Variants in RGS7 observed in about 807,000 individuals in gnomAD.
RGS7 encodes regulator of G-protein signaling 7.
Under a neutral mutation model 81.1 loss-of-function variants are expected in RGS7, and 27 were observed. That is an observed-to-expected ratio of 0.33 (90% CI 0.25 to 0.46). The LOEUF (loss-of-function observed/expected upper bound fraction) is 0.46, where lower values mean the gene tolerates loss of function less well. Among genes scored for constraint, RGS7 ranks in the 20% least tolerant of loss-of-function variants. RGS7 has a pLI of 1.00. For missense variants in RGS7, 396 were observed against 607.4 expected, an observed-to-expected ratio of 0.65 and a Z score of 3.66; for synonymous variants, 208 against 207.7, an observed-to-expected ratio of 1.00 and a Z score of -0.01.
chr1:241,044,223 G>A (rs1338165537), intron 3 of RGS7, among the ~76,000 whole-genome samples: 1 of 147,250 alleles, frequency 6.8e-6, no homozygotes, highest in Non-Finnish European at 1.5e-5. Flanking sequence ...AGCGATTCTT[G>A]TGCCTCAGCC....
intron 2 of RGS7, among the ~76,000 whole-genome samples, chr1:241,150,304 G>T (rs1012178086): frequency 6.6e-6 from 1 of 152,110 alleles, no homozygotes; most frequent in African/African-American, 2.4e-5. Context: ...ATGTTAATTT[G>T]CAGGGACATT....
intron 4 of RGS7, among the ~76,000 whole-genome samples, chr1:240,963,262 C>T (rs893088673): frequency 1.3e-5 from 2 of 152,112 alleles, no homozygotes; most frequent in African/African-American, 2.4e-5. Context: ...GCCCATGAAA[C>T]GTCCAAGTAG....
rs532084222 is a variant in RGS7, at chr1:240,933,101, C to G, written c.334-2333G>C. Among the ~76,000 whole-genome samples, 30 of 150,222 alleles carry G rather than the reference C, an allele frequency of 2.0e-4. 1 individual carries two copies. The highest frequency in any genetic ancestry group is 4.0e-4 in the Admixed American group (6 of 15,092). On this transcript the variant is annotated intron_variant, in intron 5 of 18. Transcript: ENST00000440928. ...GTTTCACCGTGTTAGCCAGGATGGTCTCCATCTCCTGACCTCGTGATCTGC... is the reference window on the plus strand; with the variant it reads ...GTTTCACCGTGTTAGCCAGGATGGTGTCCATCTCCTGACCTCGTGATCTGC...
chr1:241,285,824 T>C (rs1432919533), intron 2 of RGS7, among the ~76,000 whole-genome samples: 7 of 152,174 alleles, frequency 4.6e-5, no homozygotes, highest in Non-Finnish European at 8.8e-5. Context: ...CTGTGGAACA[T>C]AGTCCTCAGG....
intron 2 of RGS7, among the ~76,000 whole-genome samples, chr1:241,352,357 C>T (rs891214396): frequency 3.9e-5 from 6 of 152,148 alleles, no homozygotes; most frequent in Non-Finnish European, 8.8e-5. Flanking sequence ...GGAATAAAAG[C>T]AGTCAAGCCT....
chr1:241,080,771 C>T (rs2063087868), intron 3 of RGS7, among the ~76,000 whole-genome samples: 1 of 152,218 alleles, frequency 6.6e-6, no homozygotes, highest in Admixed American at 6.5e-5. Context: ...GTAACAAGTT[C>T]TACCTTTTAA....
chr1:240,952,269 T>A (rs1411916264), intron 4 of RGS7, among the ~76,000 whole-genome samples: 3 of 152,092 alleles, frequency 2.0e-5, no homozygotes, highest in Admixed American at 2.0e-4. Context: ...ATCTAAAATA[T>A]AACTATTTGT....
intron 2 of RGS7, among the ~76,000 whole-genome samples, chr1:241,295,307 G>A (rs2079350572): frequency 6.6e-6 from 1 of 151,566 alleles, no homozygotes; most frequent in South Asian, 2.1e-4. Context: ...ACAAAAATTA[G>A]CCAGGCATGG....
intron 2 of RGS7, among the ~76,000 whole-genome samples, chr1:241,231,492 A>G (rs1458206629): frequency 6.6e-6 from 1 of 151,564 alleles, no homozygotes. Flanking sequence ...GCTGGTCTCA[A>G]ACTCTATAGG....
At chr1:240,834,015 G>T (rs976627005) in intron 9 of RGS7, among the ~76,000 whole-genome samples, 7 of 152,162 alleles carry the variant, frequency 4.6e-5, no homozygotes, top group Admixed American at 4.6e-4. Context: ...TCCAACTCCT[G>T]GCCTCAAGCA....
intron 3 of RGS7, among the ~76,000 whole-genome samples, chr1:241,094,433 A>C (rs2064110075): frequency 6.6e-6 from 1 of 152,164 alleles, no homozygotes; most frequent in African/African-American, 2.4e-5. Context: ...TGCCTGAGCT[A>C]TCTCTGCAGC....
At chr1:241,266,914 C>G (rs2077620749) in intron 2 of RGS7, among the ~76,000 whole-genome samples, 1 of 152,138 alleles carries the variant, frequency 6.6e-6, no homozygotes, top group South Asian at 2.1e-4. Flanking sequence ...TAGGATTGTA[C>G]TTACAAGACC....
At chr1:241,346,342 C>T (rs929438757) in intron 2 of RGS7, among the ~76,000 whole-genome samples, 3 of 152,168 alleles carry the variant, frequency 2.0e-5, no homozygotes, top group Admixed American at 6.6e-5. Context: ...TCTGCACTGT[C>T]CAAAACTCTA....
intron 2 of RGS7, among the ~76,000 whole-genome samples, chr1:241,121,164 T>A (rs1256942884): frequency 6.6e-6 from 1 of 152,130 alleles, no homozygotes; most frequent in Non-Finnish European, 1.5e-5. Context: ...GAAAAAGAAT[T>A]CAGAGGCCAA....
chr1:241,111,770 C>T (rs2065530746), intron 2 of RGS7, among the ~76,000 whole-genome samples: 1 of 152,206 alleles, frequency 6.6e-6, no homozygotes, highest in Non-Finnish European at 1.5e-5. Flanking sequence ...ATGCTTACTT[C>T]CATCCTAATC....
At chr1:240,825,382 T>C (rs937050356) in intron 10 of RGS7, among the ~76,000 whole-genome samples, 1 of 152,218 alleles carries the variant, frequency 6.6e-6, no homozygotes, top group African/African-American at 2.4e-5. Context: ...TAAAATAACA[T>C]TATCATCTGC....
intron 3 of RGS7, among the ~76,000 whole-genome samples, chr1:241,059,467 C>G (rs1284592340): frequency 1.3e-5 from 2 of 152,082 alleles, no homozygotes; most frequent in African/African-American, 4.8e-5. Context: ...ATTTGCAGTA[C>G]CTAATCAGGG....
intron 6 of RGS7, among the ~76,000 whole-genome samples, chr1:240,898,138 T>A (rs1669396216): frequency 6.6e-6 from 1 of 152,184 alleles, no homozygotes; most frequent in African/African-American, 2.4e-5. Flanking sequence ...ATACCCTTTA[T>A]CATTTTTTAT....
intron 6 of RGS7, among the ~76,000 whole-genome samples, chr1:240,910,232 T>G (rs1007272036): frequency 6.6e-6 from 1 of 152,244 alleles, no homozygotes; most frequent in African/African-American, 2.4e-5. Context: ...TGTGATGTAC[T>G]CCAACCATCA....
Sources: allele counts gnomAD v4.1 joint callset (sites outside exome capture counted in the v4.1 genomes callset), GRCh38; gene constraint gnomAD v4.1.1; transcripts MANE v1.5; gene names NCBI Gene and HGNC (gene_info 2026-07-23, HGNC 2026-07-21).